The following TG variants were observed in gnomAD, a reference collection of about 807,000 sequenced individuals.
TG encodes the protein thyroglobulin.
TG carries 270 observed loss-of-function variants against 324.7 expected under a neutral mutation model. The observed-to-expected ratio is 0.83, with a 90% CI of 0.75 to 0.92. TG has a LOEUF of 0.92. Among genes scored for constraint, TG ranks in the 40% least tolerant of loss-of-function variants. The pLI, the probability that TG is intolerant of heterozygous loss-of-function variation, is 0.00. For missense variants in TG, 3,591 were observed against 3,456.4 expected, an observed-to-expected ratio of 1.04 and a Z score of -0.98; for synonymous variants, 1,401 against 1,327.0, an observed-to-expected ratio of 1.06 and a Z score of -1.21.
intron 41 of TG, chr8:133,094,722 C>T (rs577897511): frequency 2.5e-5 from 10 of 407,938 alleles, no homozygotes; most frequent in Middle Eastern, 7.8e-4. Flanking sequence ...CCACAATCTC[C>T]GATCCTCTTA....
At chr8:133,065,648 A>G (rs1197039627) in intron 41 of TG, among the ~76,000 whole-genome samples, 3 of 151,950 alleles carry the variant, frequency 2.0e-5, no homozygotes, top group African/African-American at 7.3e-5. Flanking sequence ...TGTAATCCCA[A>G]CTACTCAGGA....
Position 132,887,300 on chromosome 8 carries a change from G to A in TG, c.1928G>A (p.Gly643Asp), listed in dbSNP as rs1312897009. The change falls in exon 9 of 48, where the codon GGC (glycine) becomes GAC (aspartate). Residue 643 changes from glycine to aspartate, a missense_variant. Gly to Asp is a moderately conservative substitution (Grantham distance 94). Transcript: ENST00000220616. ...SGECWCVNSW[G>D]KELPGSRVRG... ...GAGTGCTGGTGTGTGAATTCCTGGG[G>A]CAAAGAGCTTCCAGGCTCAAGAGTC... 1 of 1,605,632 alleles carries A rather than the reference G, an allele frequency of 6.2e-7. No homozygotes were observed. The highest frequency in any genetic ancestry group is 1.1e-5 in the South Asian group (1 of 90,228).
Position 132,869,732 on chromosome 8 carries a change from T to C in TG, c.180T>C (p.Thr60=). 6.2e-7 allele frequency: 1 copy of C among 1,614,184 alleles called. No individual in the cohort carries two copies. Among genetic ancestry groups the C allele is most frequent in the Non-Finnish European group, 8.5e-7 (1 of 1,179,996 alleles). ...CTGGTCTGTGTCTCCTCCTCAGGAC[T>C]GTCCAGTGCCAGAACGACGGCCGCT... ...PQCAEDGSFQ[T]VQCQNDGRSC... The change falls in exon 3 of 48, where the codon ACT becomes ACC. Residue 60 remains threonine, a synonymous_variant. Coordinates refer to ENST00000220616, the MANE Select transcript of TG (RefSeq NM_003235.5).
chr8:133,123,817 C>A (rs1851325022), intron 45 of TG, among the ~76,000 whole-genome samples: 1 of 152,214 alleles, frequency 6.6e-6, no homozygotes, highest in Admixed American at 6.5e-5. Flanking sequence ...GGCTCTGCCA[C>A]TTTCTATGTG....
At chr8:133,050,231 G>T (rs970303627) in intron 41 of TG, 9 of 527,796 alleles carry the variant, frequency 1.7e-5, no homozygotes, top group African/African-American at 1.5e-4. Context: ...AGAAATAGCT[G>T]CTTTTCAGGG....
chr8:132,964,976 G>T, intron 29 of TG: 1 of 700,868 alleles, frequency 1.4e-6, no homozygotes, highest in Non-Finnish European at 2.6e-6. Context: ...GAACACCTGT[G>T]CCAAGGCTCT....
Position 132,995,641 on chromosome 8 carries a change from T to C in TG, c.6262+12229T>C, listed in dbSNP as rs1266933248. 5 of 484,880 alleles carry C rather than the reference T, an allele frequency of 1.0e-5. No individual in the cohort carries two copies. In the East Asian group the frequency reaches 6.1e-4, roughly 59 times the overall value. 30.0% of individuals were successfully genotyped at this position (484,880 alleles called of 1,614,324 possible). A position where few individuals can be genotyped will look rare whatever the true frequency, so the allele number is the denominator to read the frequency against. On this transcript the variant is annotated intron_variant, in intron 35 of 47. Transcript: ENST00000220616. ...ATGCTCTTAGGAGACCCAATTCTTG[T>C]ACTCTCTCCATGTAGCTTTTGTGTT...
intron 34 of TG, among the ~76,000 whole-genome samples, chr8:132,981,617 C>T (rs529979990): frequency 3.3e-5 from 5 of 152,308 alleles, no homozygotes; most frequent in African/African-American, 4.8e-5. Flanking sequence ...CGTGAGATGA[C>T]AGAAGCCTTG....
Position 132,886,735 on chromosome 8 carries a change from C to T in TG, c.1363C>T (p.Arg455Cys), listed in dbSNP as rs765515442. Residue 455 changes from arginine to cysteine, a missense_variant, in exon 9 of 48, where the codon CGT becomes TGT. By Grantham distance (180) the Arg-to-Cys change is radical. Transcript: ENST00000220616. ...AATTTTTCCCTCCCGAGGGCTGGCT[C>T]GTCTTGCCCTTCAGTTTACCACCAA... ...RAIFPSRGLA[R>C]LALQFTTNPK... 2.0e-5 allele frequency: 33 copies of T among 1,614,088 alleles called. No homozygotes were observed. In the Admixed American group the frequency reaches 2.2e-4, roughly 11 times the overall value.
At chr8:133,016,452 T>C (rs1480708837) in intron 37 of TG, among the ~76,000 whole-genome samples, 2 of 152,196 alleles carry the variant, frequency 1.3e-5, no homozygotes. Context: ...GCAAAATTAC[T>C]TCCAGTTGAG....
intron 41 of TG, among the ~76,000 whole-genome samples, chr8:133,067,809 A>G (rs529463483): frequency 0.012 from 1,825 of 150,050 alleles, 22 homozygotes; most frequent in South Asian, 0.029. Context: ...AGAAAGAAAG[A>G]AAGGAAGGAA....
intron 43 of TG, among the ~76,000 whole-genome samples, chr8:133,107,014 C>G (rs1295034125): frequency 6.6e-6 from 1 of 152,184 alleles, no homozygotes; most frequent in Non-Finnish European, 1.5e-5. Context: ...ACCTGCCTTG[C>G]TGATTTTCTT....
intron 35 of TG, among the ~76,000 whole-genome samples, chr8:132,999,707 C>T (rs1248404044): frequency 1.3e-5 from 2 of 152,212 alleles, no homozygotes; most frequent in East Asian, 3.8e-4. Flanking sequence ...CAGCAGAGAA[C>T]AAATGTGGCT....
intron 45 of TG, among the ~76,000 whole-genome samples, chr8:133,124,121 G>T (rs1386014780): frequency 6.6e-6 from 1 of 152,236 alleles, no homozygotes; most frequent in African/African-American, 2.4e-5. Flanking sequence ...CTTCAGAGAG[G>T]ACATGGAAGC....
intron 46 of TG, among the ~76,000 whole-genome samples, chr8:133,133,089 G>T (rs1390775016): frequency 6.6e-6 from 1 of 152,158 alleles, no homozygotes; most frequent in Middle Eastern, 3.2e-3. Context: ...TCACCCTCCT[G>T]CCCGGGCCTT....
chr8:132,935,483 A>T lies in TG; in HGVS notation c.4933-273A>T, dbSNP rs554469003. 5.9e-4 allele frequency among the ~76,000 whole-genome samples: 90 copies of T among 152,032 alleles called. No individual in the cohort carries two copies. In the Middle Eastern group the frequency reaches 0.017, roughly 29 times the overall value. On this transcript the variant is annotated intron_variant, in intron 24 of 47. Transcript: ENST00000220616. ...ATATCTCAGAACCTCACTCAGACTC[A>T]CTTTTTCTGGGAAACTTTTCTAGCT...
At chr8:132,972,946 G>C (rs537516983) in intron 34 of TG, among the ~76,000 whole-genome samples, 4 of 152,286 alleles carry the variant, frequency 2.6e-5, no homozygotes, top group Admixed American at 2.6e-4. Flanking sequence ...TGAGCAACTA[G>C]GTCTCAGTAA....
chr8:133,063,350 TC>T (rs1326229243), intron 41 of TG, among the ~76,000 whole-genome samples: 1 of 150,334 alleles, frequency 6.7e-6, no homozygotes, highest in East Asian at 2.0e-4. Flanking sequence ...GTCTGATCTC[TC>T]CCCTCCTTTA....
rs1395839049 is a variant in TG, at chr8:133,017,920, C to T, written c.6705C>T (p.Ala2235=). 1.9e-6 allele frequency: 3 copies of T among 1,614,082 alleles called. No homozygotes were observed. Among genetic ancestry groups the T allele is most frequent in the Non-Finnish European group, 1.7e-6 (2 of 1,180,048 alleles). The stretch of plus-strand genomic sequence containing the variant: ...AGTTCCTTGGAGTTCCATATGCTGC[C>T]CCGCCCCTGGCAGAGAGGCGCTTCC... ...VDQFLGVPYA[A]PPLAERRFQA... Residue 2235 remains alanine, a synonymous_variant, in exon 38 of 48, where the codon GCC becomes GCT. Transcript: ENST00000220616.
Sources: allele counts gnomAD v4.1 joint callset (sites outside exome capture counted in the v4.1 genomes callset), GRCh38; gene constraint gnomAD v4.1.1; transcripts MANE v1.5; gene names NCBI Gene and HGNC (gene_info 2026-07-23, HGNC 2026-07-21).